RNF20: variants seen among roughly 807,000 people sequenced by gnomAD.
The protein encoded by RNF20 is ring finger protein 20.
RNF20 carries 84 observed loss-of-function variants against 126.2 expected under a neutral mutation model. The observed-to-expected ratio is 0.67, with a 90% CI of 0.56 to 0.80. The LOEUF (loss-of-function observed/expected upper bound fraction) is 0.80. Among genes scored for constraint, RNF20 ranks in the 30% least tolerant of loss-of-function variants. The probability of loss-of-function intolerance (pLI) is 0.00; values close to 1 mark genes in which losing one functional copy is unlikely to be tolerated. For synonymous variants in RNF20, 400 were observed against 414.3 expected, an observed-to-expected ratio of 0.97 and a Z score of 0.42; for missense variants, 869 against 1,188.2, an observed-to-expected ratio of 0.73 and a Z score of 3.95.
At chr9:101,537,817 G>A (rs914776304) in intron 2 of RNF20, among the ~76,000 whole-genome samples, 11 of 152,178 alleles carry the variant, frequency 7.2e-5, no homozygotes, top group African/African-American at 2.4e-4. Context: ...GGACTGAGGT[G>A]TTATATTTAA....
intron 1 of RNF20, among the ~76,000 whole-genome samples, chr9:101,534,621 C>A (rs1827153776): frequency 6.6e-6 from 1 of 152,022 alleles, no homozygotes; most frequent in Non-Finnish European, 1.5e-5. Flanking sequence ...GTTATTTATT[C>A]CTGGGTTAGG....
rs762132493 is a variant in RNF20 at position 101,535,470 on chromosome 9, C to G, written c.47C>G (p.Ser16Cys). The G allele has an allele frequency of 1.2e-6, 2 of 1,613,986 alleles. No homozygotes were observed. Among genetic ancestry groups the G allele is most frequent in the South Asian group, 1.1e-5 (1 of 91,080 alleles). Residue 16 changes from serine (S) to cysteine (C), a missense_variant, in exon 2 of 20, where the codon TCC becomes TGC. Around this residue, in one of 8 missense-constraint regions of RNF20, gnomAD observed 157 missense variants for 236.0 expected, o/e 0.67. Coordinates refer to ENST00000389120, the MANE Select transcript of RNF20 (RefSeq NM_019592.7). The part of the protein sequence containing the change: ...NKRAAGEPGT[S>C]MPPEKKAAVE... ...AGAGCAGCTGGAGAACCTGGCACCTCCATGCCTCCTGAGAAGAAGGCAGCT... is the reference window on the plus strand; with the variant it reads ...AGAGCAGCTGGAGAACCTGGCACCTGCATGCCTCCTGAGAAGAAGGCAGCT...
In RNF20 at chr9:101,540,268, G is replaced by T; in HGVS notation, c.195G>T (p.Arg65=). The part of the protein sequence containing the change: ...NRKLAEMLDQ[R]QAIEDELREH... ...AGCTGGCAGAAATGTTGGATCAGCG[G>T]CAGGCCATTGAAGATGAACTTCGTG... Residue 65 remains arginine (R), a synonymous_variant, in exon 3 of 20, where the codon CGG becomes CGT. Coordinates refer to ENST00000389120, the MANE Select transcript of RNF20 (RefSeq NM_019592.7). 1.2e-6 allele frequency: 2 copies of T among 1,614,166 alleles called. No homozygotes were observed. The highest frequency in any genetic ancestry group is 1.7e-6 in the Non-Finnish European group (2 of 1,180,018).
Position 101,562,820 on chromosome 9 carries a change from G to A in RNF20, c.*398G>A, listed in dbSNP as rs1405690758. On this transcript the variant is annotated 3_prime_UTR_variant, in exon 20 of 20. Coordinates refer to ENST00000389120, the MANE Select transcript of RNF20 (RefSeq NM_019592.7). ...AAGTGGAAACATGGCTACTTTTGGG[G>A]AGTGATATTTTAAAAAATAAGTTGT... 1 of 156,646 alleles carries A rather than the reference G, an allele frequency of 6.4e-6. No individual in the cohort carries two copies. Among genetic ancestry groups the A allele is most frequent in the African/African-American group, 2.4e-5 (1 of 41,616 alleles). The allele number at this position is 156,646 out of a possible 1,614,324, so 9.7% of individuals were successfully genotyped here.
chr9:101,556,696 A>T (rs1381591677), intron 15 of RNF20, among the ~76,000 whole-genome samples: 1 of 152,212 alleles, frequency 6.6e-6, no homozygotes, highest in Non-Finnish European at 1.5e-5. Context: ...TTTTAAAATG[A>T]TGCAAAACTT....
intron 2 of RNF20, among the ~76,000 whole-genome samples, chr9:101,538,582 A>T (rs1288681795): frequency 6.6e-6 from 1 of 152,130 alleles, no homozygotes; most frequent in Non-Finnish European, 1.5e-5. Context: ...CCACTAGAGA[A>T]GCCTGCAGGG....
At chr9:101,547,616 A>G in intron 9 of RNF20, 98 bp downstream of exon 9, 4 of 1,368,950 alleles carry the variant, frequency 2.9e-6, no homozygotes, top group Non-Finnish European at 3.0e-6. Flanking sequence ...GAGGGATAAG[A>G]AAAATGTAGA....
chr9:101,549,993 G>T (rs1297882852), intron 9 of RNF20, among the ~76,000 whole-genome samples: 1 of 152,034 alleles, frequency 6.6e-6, no homozygotes, highest in East Asian at 1.9e-4. Context: ...TCTTGCCTCG[G>T]CACCTGGGTG....
At chr9:101,560,102 A>G (rs976589716) in intron 16 of RNF20, among the ~76,000 whole-genome samples, 2 of 152,138 alleles carry the variant, frequency 1.3e-5, no homozygotes, top group African/African-American at 4.8e-5. Context: ...TAGAGTTTTA[A>G]TCATAAAAGG....
chr9:101,557,704 A>C, intron 16 of RNF20, 108 bp downstream of exon 16: 1 of 799,212 alleles, frequency 1.3e-6, no homozygotes, highest in Non-Finnish European at 2.0e-6. Context: ...ATTGGAAAAA[A>C]ATTTGAAAAC....
chr9:101,556,804 CA>C (rs913709157), intron 15 of RNF20, among the ~76,000 whole-genome samples: 97 of 150,992 alleles, frequency 6.4e-4, no homozygotes, highest in Middle Eastern at 3.4e-3. Flanking sequence ...TTATCTGATA[CA>C]AAAAAAACTC....
At chr9:101,550,862 A>C in intron 10 of RNF20, 77 bp downstream of exon 10, 1 of 1,242,976 alleles carries the variant, frequency 8.0e-7, no homozygotes, top group Non-Finnish European at 1.2e-6. Flanking sequence ...CTCATGTGCA[A>C]TTAATCTCTC....
In RNF20 at chr9:101,560,851, G is replaced by A. The variant is rs767398564; in HGVS notation, c.2433G>A (p.Leu811=). The change falls in exon 17 of 20, where the codon CTG becomes CTA. Residue 811 remains leucine (L), a synonymous_variant. Coordinates refer to ENST00000389120, the MANE Select transcript of RNF20 (RefSeq NM_019592.7). The part of the protein sequence containing the change: ...VVRKLEEKEH[L]LQSNIGTGEK... Reference sequence around the variant, plus strand: ...GGAAACTGGAAGAGAAGGAGCATCTGTTACAGAGCAACATTGGCACAGGGG... The same window carrying A: ...GGAAACTGGAAGAGAAGGAGCATCTATTACAGAGCAACATTGGCACAGGGG... The A allele has an allele frequency of 1.9e-6, 3 of 1,613,528 alleles. No homozygotes were observed. The African/African-American group carries it at 4.0e-5, about 22-fold the overall frequency.
chr9:101,534,955 T>G (rs1484295123), intron 1 of RNF20, among the ~76,000 whole-genome samples: 1 of 151,364 alleles, frequency 6.6e-6, no homozygotes. Flanking sequence ...TTGCCCAGGC[T>G]GGAGTGCTGT....
intron 6 of RNF20, among the ~76,000 whole-genome samples, chr9:101,546,139 A>G (rs1827344265): frequency 6.6e-6 from 1 of 152,140 alleles, no homozygotes; most frequent in African/African-American, 2.4e-5. Flanking sequence ...CAAAGATCCC[A>G]CCTCTTGTTC....
chr9:101,552,805 C>T, intron 13 of RNF20, 52 bp downstream of exon 13: 1 of 1,506,044 alleles, frequency 6.6e-7, no homozygotes, highest in Non-Finnish European at 8.9e-7. Flanking sequence ...AAGATTAAGA[C>T]ATCATGCATG....
intron 2 of RNF20, among the ~76,000 whole-genome samples, chr9:101,537,203 G>T (rs74511517): frequency 6.6e-6 from 1 of 152,226 alleles, no homozygotes; most frequent in Non-Finnish European, 1.5e-5. Flanking sequence ...TGCTATAGGA[G>T]GCCTTTGCAG....
intron 2 of RNF20, among the ~76,000 whole-genome samples, chr9:101,537,749 T>G (rs981101962): frequency 1.3e-5 from 2 of 152,204 alleles, no homozygotes; most frequent in Admixed American, 1.3e-4. Context: ...AGGAGCTGAT[T>G]AGGTGCTGCT....
intron 5 of RNF20, among the ~76,000 whole-genome samples, chr9:101,542,506 A>T (rs1827276053): frequency 6.6e-6 from 1 of 152,238 alleles, no homozygotes; most frequent in African/African-American, 2.4e-5. Context: ...CTAGCACTGC[A>T]TCTGGCATCT....
Sources: allele counts gnomAD v4.1 joint callset (sites outside exome capture counted in the v4.1 genomes callset), GRCh38; gene constraint gnomAD v4.1.1; regional missense constraint gnomAD v4.1.1; transcripts MANE v1.5; gene names NCBI Gene and HGNC (gene_info 2026-07-23, HGNC 2026-07-21).